The following TNFSF4 variants were observed in gnomAD, a reference collection of about 807,000 sequenced individuals.
TNFSF4 encodes tumor necrosis factor ligand superfamily member 4.
A neutral mutation model predicts 7.3 loss-of-function variants in TNFSF4; 4 were observed. That is an observed-to-expected ratio of 0.55 (90% CI 0.27 to 1.25). TNFSF4 has a LOEUF of 1.25. TNFSF4 is among the 50% of genes most tolerant of loss of function. TNFSF4 has a pLI of 0.12. For synonymous variants in TNFSF4, 76 were observed against 83.7 expected (o/e 0.91, Z 0.50); for missense variants, 181 against 208.8 (o/e 0.87, Z 0.82).
At chr1:173,233,747 G>A in the TNFSF4 span, among the ~76,000 whole-genome samples, 2 of 151,888 alleles carry the variant, frequency 1.3e-5, no homozygotes, top group Non-Finnish European at 2.9e-5. Flanking sequence ...CTTTTTTTGA[G>A]TCTTGGCTGA....
the TNFSF4 span, among the ~76,000 whole-genome samples, chr1:173,408,769 G>A: frequency 1.3e-5 from 2 of 151,992 alleles, no homozygotes; most frequent in Non-Finnish European, 2.9e-5. Flanking sequence ...TGTATTTTTA[G>A]TAGAGACGGG....
At chr1:173,213,135 T>G in the TNFSF4 span, among the ~76,000 whole-genome samples, 2 of 152,160 alleles carry the variant, frequency 1.3e-5, no homozygotes, top group Non-Finnish European at 2.9e-5. Context: ...AAACCTGAAA[T>G]GTACACTTTT....
the TNFSF4 span, among the ~76,000 whole-genome samples, chr1:173,419,548 T>C: frequency 6.6e-6 from 1 of 152,072 alleles, no homozygotes; most frequent in African/African-American, 2.4e-5. Context: ...TGTAGAATTC[T>C]GTTACAGCAA....
At chr1:173,431,425 C>CCATG in the TNFSF4 span, among the ~76,000 whole-genome samples, 18 of 152,290 alleles carry the variant, frequency 1.2e-4, 1 homozygote, top group East Asian at 3.5e-3. Context: ...GAATTAAGAG[C>CCATG]CATGCGCTGA....
At chr1:173,266,749 A>T in the TNFSF4 span, among the ~76,000 whole-genome samples, 1 of 152,196 alleles carries the variant, frequency 6.6e-6, no homozygotes, top group Non-Finnish European at 1.5e-5. Context: ...GCACTCAAAA[A>T]ATAATACATA....
the TNFSF4 span, among the ~76,000 whole-genome samples, chr1:173,214,040 T>C: frequency 4.7e-4 from 72 of 152,188 alleles, no homozygotes; most frequent in Non-Finnish European, 7.5e-4. Context: ...TCAAGAGTGC[T>C]GAGGTGGAGA....
At chr1:173,433,609 G>C in the TNFSF4 span, among the ~76,000 whole-genome samples, 1 of 152,170 alleles carries the variant, frequency 6.6e-6, no homozygotes, top group South Asian at 2.1e-4. Flanking sequence ...GGCAGAGGTG[G>C]GAGGATCACC....
At chr1:173,406,888 C>G in the TNFSF4 span, among the ~76,000 whole-genome samples, 2 of 152,096 alleles carry the variant, frequency 1.3e-5, no homozygotes, top group Admixed American at 1.3e-4. Context: ...AGCCTGTGGC[C>G]GTGGGGTGAA....
the TNFSF4 span, among the ~76,000 whole-genome samples, chr1:173,311,043 A>T: frequency 6.6e-6 from 1 of 152,016 alleles, no homozygotes; most frequent in East Asian, 1.9e-4. Flanking sequence ...TAAACATCAT[A>T]TGTTTAAGTT....
At chr1:173,424,567 C>G in the TNFSF4 span, among the ~76,000 whole-genome samples, 2 of 152,156 alleles carry the variant, frequency 1.3e-5, no homozygotes, top group African/African-American at 2.4e-5. Context: ...GCTGTTGATG[C>G]TGGATTTTCA....
chr1:173,225,700 G>T, the TNFSF4 span, among the ~76,000 whole-genome samples: 1 of 152,102 alleles, frequency 6.6e-6, no homozygotes, highest in Non-Finnish European at 1.5e-5. Context: ...ATAATTCCTG[G>T]ATGCTATGTA....
chr1:173,281,969 A>G, the TNFSF4 span, among the ~76,000 whole-genome samples: 1 of 152,156 alleles, frequency 6.6e-6, no homozygotes, highest in Non-Finnish European at 1.5e-5. Context: ...CCTCCACACA[A>G]TCTTCTTATC....
chr1:173,430,117 T>C, the TNFSF4 span, among the ~76,000 whole-genome samples: 1 of 152,152 alleles, frequency 6.6e-6, no homozygotes, highest in Non-Finnish European at 1.5e-5. Context: ...AAAAAAGGCC[T>C]GCCAGCAGCC....
the TNFSF4 span, among the ~76,000 whole-genome samples, chr1:173,250,421 C>T: frequency 6.6e-6 from 1 of 151,288 alleles, no homozygotes; most frequent in Non-Finnish European, 1.5e-5. Context: ...GCCATACTGT[C>T]TTATTCATTT....
the TNFSF4 span, among the ~76,000 whole-genome samples, chr1:173,329,890 T>C: frequency 1.3e-5 from 2 of 152,138 alleles, no homozygotes; most frequent in African/African-American, 4.8e-5. Flanking sequence ...AATTTAGTTA[T>C]GCACTTCCTT....
At chr1:173,303,283 ACCCATCTCAGTGC>A in the TNFSF4 span, among the ~76,000 whole-genome samples, 1 of 151,726 alleles carries the variant, frequency 6.6e-6, no homozygotes, top group Admixed American at 6.6e-5. Flanking sequence ...CTTTTAGCTT[ACCCATCTCAGTGC>A]CCCTGAAGGG....
the TNFSF4 span, among the ~76,000 whole-genome samples, chr1:173,352,863 C>T: frequency 6.6e-6 from 1 of 152,094 alleles, no homozygotes; most frequent in African/African-American, 2.4e-5. Context: ...CTAGAGCAGC[C>T]GTTTTAGAGG....
chr1:173,400,828 T>C, the TNFSF4 span, among the ~76,000 whole-genome samples: 1 of 152,154 alleles, frequency 6.6e-6, no homozygotes, highest in Admixed American at 6.5e-5. Context: ...ACTAATGAAG[T>C]TGGGGTCACT....
the TNFSF4 span, among the ~76,000 whole-genome samples, chr1:173,307,522 T>C: frequency 6.6e-6 from 1 of 151,922 alleles, no homozygotes; most frequent in Non-Finnish European, 1.5e-5. Context: ...AAAAAAAAGT[T>C]TTTCTATTAA....
Sources: gnomAD v4.1 joint callset for allele counts (sites outside exome capture counted in the v4.1 genomes callset) on GRCh38, gnomAD v4.1.1 for gene constraint, MANE v1.5 for transcripts, NCBI Gene and HGNC (gene_info 2026-07-23, HGNC 2026-07-21) for gene names.